TAFA2: variants seen among roughly 807,000 people sequenced by gnomAD.
TAFA2 encodes chemokine-like protein TAFA-2.
A neutral mutation model predicts 18.8 loss-of-function variants in TAFA2; 7 were observed. That is an observed-to-expected ratio of 0.37 (90% CI 0.21 to 0.70). The LOEUF (loss-of-function observed/expected upper bound fraction) is 0.70, where lower values mean the gene tolerates loss of function less well. Ranked by LOEUF, TAFA2 falls within the 30% of genes least tolerant of loss-of-function variation. The probability of loss-of-function intolerance (pLI) is 0.53; values close to 1 mark genes in which losing one functional copy is unlikely to be tolerated. For synonymous variants in TAFA2, 60 were observed against 54.2 expected (o/e 1.11, Z -0.47); for missense variants, 122 against 158.1 (o/e 0.77, Z 1.23).
intron 1 of TAFA2, among the ~76,000 whole-genome samples, chr12:62,087,716 G>T (rs565118488): frequency 6.1e-4 from 93 of 152,190 alleles, no homozygotes; most frequent in African/African-American, 2.1e-3. Flanking sequence ...TTTTTGAGCA[G>T]GAGAATTAAG....
At chr12:62,061,622 T>A (rs1336906490) in intron 1 of TAFA2, among the ~76,000 whole-genome samples, 1 of 152,178 alleles carries the variant, frequency 6.6e-6, no homozygotes, top group Non-Finnish European at 1.5e-5. Flanking sequence ...TAGTATAATC[T>A]CCTAATATAA....
At chr12:62,092,966 A>G (rs953622614) in intron 1 of TAFA2, among the ~76,000 whole-genome samples, 1 of 152,058 alleles carries the variant, frequency 6.6e-6, no homozygotes. Context: ...TCAGTTTCCA[A>G]TCAAATTTAC....
chr12:61,710,744 G>C (rs1018807297), intron 4 of TAFA2, among the ~76,000 whole-genome samples: 1 of 151,836 alleles, frequency 6.6e-6, no homozygotes, highest in Non-Finnish European at 1.5e-5. Context: ...TTTTGCACAG[G>C]CTTGGTAGCC....
intron 1 of TAFA2, among the ~76,000 whole-genome samples, chr12:61,981,951 A>G (rs967522455): frequency 3.3e-5 from 5 of 152,192 alleles, no homozygotes; most frequent in Admixed American, 6.5e-5. Context: ...TATATACCCA[A>G]ATAATTATAA....
chr12:62,220,979 C>G (rs1455906270), intron 1 of TAFA2, among the ~76,000 whole-genome samples: 1 of 151,798 alleles, frequency 6.6e-6, no homozygotes, highest in Non-Finnish European at 1.5e-5. Flanking sequence ...TGGTAGCGGG[C>G]GCCTGTAGTC....
chr12:61,962,354 C>T (rs1440479492), intron 1 of TAFA2, among the ~76,000 whole-genome samples: 1 of 151,998 alleles, frequency 6.6e-6, no homozygotes, highest in Non-Finnish European at 1.5e-5. Context: ...TCTATCTACT[C>T]TCCATGGTGC....
chr12:62,033,017 T>C (rs73122055), intron 1 of TAFA2, among the ~76,000 whole-genome samples: 15,238 of 152,084 alleles, frequency 0.1, 985 homozygotes, highest in Non-Finnish European at 0.14. Flanking sequence ...CTCCCCCAGC[T>C]AAGGATCTGC....
chr12:62,251,195 T>C (rs1412911065), intron 1 of TAFA2, among the ~76,000 whole-genome samples: 12 of 152,172 alleles, frequency 7.9e-5, no homozygotes, highest in Admixed American at 7.9e-4. Flanking sequence ...AACAGTATTA[T>C]GCAGTGGCAA....
intron 2 of TAFA2, among the ~76,000 whole-genome samples, chr12:61,784,393 G>A (rs373010527): frequency 1.3e-5 from 2 of 151,552 alleles, no homozygotes; most frequent in Non-Finnish European, 3.0e-5. Flanking sequence ...TCAAGAAGGT[G>A]TGAGGCATAA....
At chr12:62,224,082 T>TACAC (rs144010764) in intron 1 of TAFA2, among the ~76,000 whole-genome samples, 9,216 of 142,474 alleles carry the variant, frequency 0.065, 379 homozygotes, top group Admixed American at 0.11. Flanking sequence ...TATATGTGCA[T>TACAC]ACACACACAC....
chr12:62,187,857 G>A (rs1422862979), intron 1 of TAFA2, among the ~76,000 whole-genome samples: 1 of 152,120 alleles, frequency 6.6e-6, no homozygotes. Flanking sequence ...AAGACTAATG[G>A]TAACTCAGTG....
At chr12:61,811,490 C>T (rs182567783) in intron 2 of TAFA2, among the ~76,000 whole-genome samples, 2 of 151,448 alleles carry the variant, frequency 1.3e-5, no homozygotes, top group East Asian at 3.9e-4. Flanking sequence ...GGCATGATGA[C>T]ATTCAAAGAC....
At chr12:62,089,871 C>G (rs1868635754) in intron 1 of TAFA2, among the ~76,000 whole-genome samples, 2 of 152,080 alleles carry the variant, frequency 1.3e-5, no homozygotes, top group Admixed American at 1.3e-4. Flanking sequence ...ATCTTGCCAC[C>G]AGCATTTGCT....
intron 1 of TAFA2, among the ~76,000 whole-genome samples, chr12:62,019,261 G>A (rs559504861): frequency 7.2e-5 from 11 of 152,102 alleles, no homozygotes; most frequent in Non-Finnish European, 1.5e-4. Flanking sequence ...GTGGAAGTCA[G>A]TGTGGCGATT....
chr12:61,825,116 T>A (rs1472494187), intron 2 of TAFA2, among the ~76,000 whole-genome samples: 1 of 152,132 alleles, frequency 6.6e-6, no homozygotes, highest in Non-Finnish European at 1.5e-5. Flanking sequence ...GATGGGCATA[T>A]TCAGAGAACA....
chr12:61,871,629 A>G (rs1349601606), intron 1 of TAFA2, among the ~76,000 whole-genome samples: 1 of 152,180 alleles, frequency 6.6e-6, no homozygotes, highest in Admixed American at 6.5e-5. Flanking sequence ...AGAAATGGTA[A>G]CCCTGGCAGT....
intron 1 of TAFA2, among the ~76,000 whole-genome samples, chr12:62,084,972 A>G (rs1180883335): frequency 6.6e-6 from 1 of 152,158 alleles, no homozygotes; most frequent in Non-Finnish European, 1.5e-5. Flanking sequence ...GTGCAGCCAA[A>G]CTTGATACCT....
chr12:62,223,619 A>T (rs1205438469), intron 1 of TAFA2, among the ~76,000 whole-genome samples: 1 of 152,238 alleles, frequency 6.6e-6, no homozygotes, highest in Non-Finnish European at 1.5e-5. Context: ...GCAAGTGCTA[A>T]AACTACAAAA....
chr12:62,010,442 T>G (rs899453556), intron 1 of TAFA2, among the ~76,000 whole-genome samples: 4 of 151,974 alleles, frequency 2.6e-5, no homozygotes, highest in Non-Finnish European at 5.9e-5. Context: ...GCAGACGGAG[T>G]CTCGCTCACT....
Sources: allele counts gnomAD v4.1 joint callset (sites outside exome capture counted in the v4.1 genomes callset), GRCh38; gene constraint gnomAD v4.1.1; transcripts MANE v1.5; gene names NCBI Gene and HGNC (gene_info 2026-07-23, HGNC 2026-07-21).